The following HM13 variants were observed in gnomAD, a reference collection of about 807,000 sequenced individuals.
HM13 encodes histocompatibility minor 13.
A neutral mutation model predicts 50.0 loss-of-function variants in HM13; 18 were observed. The observed-to-expected ratio is 0.36, with a 90% CI of 0.25 to 0.53. HM13 has a LOEUF of 0.53. Ranked by LOEUF, HM13 falls within the 20% of genes least tolerant of loss-of-function variation. The pLI is 0.90. For synonymous variants in HM13, 197 were observed against 232.6 expected, an observed-to-expected ratio of 0.85 and a Z score of 1.39; for missense variants, 393 against 552.4, an observed-to-expected ratio of 0.71 and a Z score of 2.89.
chr20:31,537,358 C>T (rs376772002), intron 2 of HM13, among the ~76,000 whole-genome samples: 3 of 152,322 alleles, frequency 2.0e-5, no homozygotes, highest in East Asian at 1.9e-4. Flanking sequence ...AGGTTAGCTG[C>T]GGAGAGGCTT....
intron 2 of HM13, among the ~76,000 whole-genome samples, chr20:31,531,113 C>T (rs1381109184): frequency 1.4e-5 from 2 of 147,818 alleles, no homozygotes; most frequent in Non-Finnish European, 1.5e-5. Flanking sequence ...GGCACATTCT[C>T]GGCTCACTGC....
intron 3 of HM13, chr20:31,539,107 C>T: frequency 1.0e-6 from 1 of 985,486 alleles, no homozygotes; most frequent in Non-Finnish European, 1.2e-6. Flanking sequence ...ATGCTCGTGT[C>T]CTTTCAGTGG....
rs201538534 is a variant in HM13, at chr20:31,561,629, T to TG, written c.846-4dup. 12,895 of 1,598,564 alleles carry TG rather than the reference T, an allele frequency of 8.1e-3. 109 individuals carry two copies. Among genetic ancestry groups the TG allele is most frequent in the Middle Eastern group, 0.039 (236 of 6,048 alleles). Reference sequence around the variant, plus strand: ...TCCTCCTCTTTCTTCACACCTTCCCTGCAGCTTGAAGAAGAATACCCACAC... The same window carrying TG: ...TCCTCCTCTTTCTTCACACCTTCCCTGGCAGCTTGAAGAAGAATACCCACAC... On this transcript the variant is annotated splice_region_variant and splice_polypyrimidine_tract_variant and intron_variant, in intron 9 of 12. Transcript: ENST00000398174.
chr20:31,567,943 T>C, intron 11 of HM13, 135 bp from the exon 12 acceptor site: 1 of 755,524 alleles, frequency 1.3e-6, no homozygotes, highest in Non-Finnish European at 2.1e-6. Context: ...CTTCTTTCCA[T>C]AAAATCTGGA....
intron 8 of HM13, among the ~76,000 whole-genome samples, chr20:31,558,558 G>A (rs1984440021): frequency 6.6e-6 from 1 of 151,686 alleles, no homozygotes. Context: ...CTCTCCTCCT[G>A]GCGTGTGGCA....
At chr20:31,561,772 C>G (rs1431612697) in intron 10 of HM13, 36 bp downstream of exon 10, 1 of 1,378,266 alleles carries the variant, frequency 7.3e-7, no homozygotes, top group Non-Finnish European at 1.0e-6. Flanking sequence ...AGGAATGCCT[C>G]ACTGCAAATA....
intron 2 of HM13, among the ~76,000 whole-genome samples, chr20:31,537,351 T>C (rs565706481): frequency 1.9e-4 from 29 of 152,280 alleles, no homozygotes; most frequent in Admixed American, 1.8e-3. Context: ...AGAGCAGAGG[T>C]TAGCTGCGGA....
chr20:31,514,457 A>G lies in HM13; in HGVS notation c.-95A>G, dbSNP rs114969332. 1.4e-3 allele frequency: 1,956 copies of G among 1,378,812 alleles called. 21 individuals carry two copies. The African/African-American group carries it at 0.025, about 18-fold the overall frequency. 85.4% of individuals were successfully genotyped at this position (1,378,812 alleles called of 1,614,324 possible). On this transcript the variant is annotated 5_prime_UTR_variant, in exon 1 of 13. Coordinates refer to ENST00000398174, the MANE Select transcript of HM13 (RefSeq NM_178581.3). The surrounding 1 kb of genome is among the most constrained non-coding windows in gnomAD (Gnocchi z 4.3). ...GGAGCACGTCACTTCCTGTTGCCTT[A>G]GGGGAACGTGGCTTTCCCTGCAGAG... is the stretch of plus-strand genomic sequence containing the variant.
chr20:31,554,930 A>G lies in HM13; in HGVS notation c.808+101A>G, dbSNP rs922741068. On this transcript the variant is annotated intron_variant, in intron 8 of 12. Coordinates refer to ENST00000398174, the MANE Select transcript of HM13 (RefSeq NM_178581.3). ...CAGACAGGCTTACCAGCTGAGAAAG[A>G]GAAAAGGTAAGGCTGGATCAGGCCA... 3.0e-6 allele frequency: 3 copies of G among 1,009,338 alleles called. No homozygotes were observed. The African/African-American group carries it at 4.8e-5, about 16-fold the overall frequency. The allele number at this position is 1,009,338 out of a possible 1,614,324, so 62.5% of individuals were successfully genotyped here. A position where few individuals can be genotyped will look rare whatever the true frequency, so the allele number is the denominator to read the frequency against.
rs56775819 is a variant in HM13, at chr20:31,524,076, C to CT, written c.184-3405dup. Among the ~76,000 whole-genome samples the CT allele has an allele frequency of 9.3e-3, 1,419 of 152,266 alleles. 18 individuals carry two copies. The highest frequency in any genetic ancestry group is 0.032 in the African/African-American group (1,347 of 41,578). ...TGTTTCGCATCCCATATCTTATTTG[C>CT]TTTAAGACTCCTATGGGGCTGGGTG... On this transcript the variant is annotated intron_variant, in intron 1 of 12. Coordinates refer to ENST00000398174, the MANE Select transcript of HM13 (RefSeq NM_178581.3).
chr20:31,514,479 A>C lies in HM13; in HGVS notation c.-73A>C. 6.6e-7 allele frequency: 1 copy of C among 1,504,412 alleles called. No homozygotes were observed. The highest frequency in any genetic ancestry group is 9.0e-7 in the Non-Finnish European group (1 of 1,110,702). 93.2% of individuals were successfully genotyped at this position (1,504,412 alleles called of 1,614,324 possible). Reference sequence around the variant, plus strand: ...CTTAGGGGAACGTGGCTTTCCCTGCAGAGCCGGTGTCTCCGCCTGCGTCCC... The same window carrying C: ...CTTAGGGGAACGTGGCTTTCCCTGCCGAGCCGGTGTCTCCGCCTGCGTCCC... On this transcript the variant is annotated 5_prime_UTR_variant, in exon 1 of 13. Coordinates refer to ENST00000398174, the MANE Select transcript of HM13 (RefSeq NM_178581.3). The surrounding 1 kb of genome is among the most constrained non-coding windows in gnomAD (Gnocchi z 4.3).
At chr20:31,539,367 A>C in intron 3 of HM13, 2 of 985,498 alleles carry the variant, frequency 2.0e-6, no homozygotes, top group Non-Finnish European at 2.4e-6. Flanking sequence ...GGTTCCCAGA[A>C]GGAAGGAACT....
chr20:31,536,271 G>A (rs1983100957), intron 2 of HM13, among the ~76,000 whole-genome samples: 1 of 152,204 alleles, frequency 6.6e-6, no homozygotes. Flanking sequence ...GCTGAGGCAG[G>A]AAAATCACTT....
At chr20:31,523,269 T>G (rs542585820) in intron 1 of HM13, among the ~76,000 whole-genome samples, 1 of 124,032 alleles carries the variant, frequency 8.1e-6, no homozygotes, top group East Asian at 2.0e-4. Flanking sequence ...CAGGCTGGTC[T>G]TTTTTTTTTT....
Position 31,538,173 on chromosome 20 carries a change from C to T in HM13, c.283-6C>T, listed in dbSNP as rs1222540253. On this transcript the variant is annotated splice_region_variant and splice_polypyrimidine_tract_variant and intron_variant, in intron 2 of 12. Transcript: ENST00000398174. ...CTTCCTGTTTCTCTTTGTATTTCTGCCTCAGATATTCTCCCAGGAGTACAT... is the reference window on the plus strand; with the variant it reads ...CTTCCTGTTTCTCTTTGTATTTCTGTCTCAGATATTCTCCCAGGAGTACAT... 6.2e-7 allele frequency: 1 copy of T among 1,613,598 alleles called. No homozygotes were observed. Among genetic ancestry groups the T allele is most frequent in the Admixed American group, 1.7e-5 (1 of 59,898 alleles).
intron 4 of HM13, chr20:31,548,355 T>A (rs1048290029): frequency 3.6e-6 from 1 of 275,516 alleles, no homozygotes; most frequent in East Asian, 8.2e-5. Flanking sequence ...TTGAGAATGG[T>A]CTAACATCAA....
chr20:31,518,335 ATT>A (rs1218290849), intron 1 of HM13, among the ~76,000 whole-genome samples: 1 of 139,022 alleles, frequency 7.2e-6, no homozygotes. Context: ...GCGCCCAGCA[ATT>A]TTTTTTTTTT....
chr20:31,544,213 A>G (rs1983595346), intron 3 of HM13, among the ~76,000 whole-genome samples: 1 of 152,236 alleles, frequency 6.6e-6, no homozygotes, highest in Non-Finnish European at 1.5e-5. Context: ...GCCACTCCAC[A>G]GTACTGCCAC....
intron 7 of HM13, chr20:31,550,497 CCT>C (rs1983987309): frequency 5.1e-6 from 1 of 198,002 alleles, no homozygotes; most frequent in Non-Finnish European, 1.1e-5. Flanking sequence ...CTATCCCGTG[CCT>C]CTCAAACTGC....
Sources: gnomAD v4.1 joint callset for allele counts (sites outside exome capture counted in the v4.1 genomes callset) on GRCh38, gnomAD v4.1.1 for gene constraint, Gnocchi (gnomAD v3.1) non-coding constraint, MANE v1.5 for transcripts, NCBI Gene and HGNC (gene_info 2026-07-23, HGNC 2026-07-21) for gene names.